Variants in MYO1B observed in about 807,000 individuals in gnomAD.
The protein encoded by MYO1B is myosin IB, also known as unconventional myosin-Ib.
MYO1B carries 72 observed loss-of-function variants against 159.7 expected under a neutral mutation model. That is an observed-to-expected ratio of 0.45 (90% CI 0.37 to 0.55). The LOEUF (loss-of-function observed/expected upper bound fraction) is 0.55. Among genes scored for constraint, MYO1B ranks in the 20% least tolerant of loss-of-function variants. The pLI, the probability that MYO1B is intolerant of heterozygous loss-of-function variation, is 0.00. For missense variants in MYO1B, 1,062 were observed against 1,364.8 expected (o/e 0.78, Z 3.50); for synonymous variants, 468 against 473.8 (o/e 0.99, Z 0.16).
Position 191,267,611 on chromosome 2 carries a change from T to C in MYO1B, c.-9-9276T>C, listed in dbSNP as rs142591071. 3.5e-4 allele frequency among the ~76,000 whole-genome samples: 54 copies of C among 152,314 alleles called. No homozygotes were observed. The East Asian group carries it at 0.01, about 29-fold the overall frequency. ...GAATGAAAATCAGCCATCACCTAAG[T>C]CTTTCCACAAATGCATGTCGGGGCA... On this transcript the variant is annotated intron_variant, in intron 1 of 30. Transcript: ENST00000392318.
At chr2:191,320,904 A>G (rs1204524321) in intron 3 of MYO1B, among the ~76,000 whole-genome samples, 5 of 151,912 alleles carry the variant, frequency 3.3e-5, no homozygotes, top group South Asian at 4.2e-4. Context: ...ATCTCTGCCT[A>G]TTGCCTTCTG....
chr2:191,343,025 G>A (rs1692322665), intron 5 of MYO1B, among the ~76,000 whole-genome samples: 1 of 152,200 alleles, frequency 6.6e-6, no homozygotes, highest in African/African-American at 2.4e-5. Context: ...TGCTGTGGAA[G>A]GGTGTCCTGT....
chr2:191,390,101 G>A (rs1470796474), intron 17 of MYO1B, among the ~76,000 whole-genome samples, 191 bp from the exon 18 acceptor site: 1 of 151,770 alleles, frequency 6.6e-6, no homozygotes, highest in African/African-American at 2.4e-5. Flanking sequence ...AAATTACTGT[G>A]CCTGCAGTAT....
chr2:191,363,502 C>T (rs939499350), intron 9 of MYO1B, among the ~76,000 whole-genome samples: 2 of 152,096 alleles, frequency 1.3e-5, no homozygotes, highest in Non-Finnish European at 2.9e-5. Flanking sequence ...GCTCTGCTCC[C>T]AGCCTCCTGT....
intron 2 of MYO1B, among the ~76,000 whole-genome samples, chr2:191,295,622 A>C (rs916948561): frequency 6.6e-6 from 1 of 152,182 alleles, no homozygotes; most frequent in South Asian, 2.1e-4. Flanking sequence ...GGAAAGATTG[A>C]CAGACTTGCA....
At chr2:191,402,445 T>C in intron 23 of MYO1B, 187 bp from the exon 24 acceptor site, 2 of 592,564 alleles carry the variant, frequency 3.4e-6, no homozygotes, top group Non-Finnish European at 6.0e-6. Flanking sequence ...CTCAGTGCAC[T>C]GAAAATATAA....
Position 191,329,897 on chromosome 2 carries a change from C to G in MYO1B, c.252-38C>G, listed in dbSNP as rs183917742. ...CATCTGATAAACACATAATAATGATCTGAAGTCTAAGGAATTTTTTTCCAT... is the reference window on the plus strand; with the variant it reads ...CATCTGATAAACACATAATAATGATGTGAAGTCTAAGGAATTTTTTTCCAT... On this transcript the variant is annotated intron_variant, in intron 3 of 30. Coordinates refer to ENST00000392318, the MANE Select transcript of MYO1B (RefSeq NM_001130158.3). 1.9e-6 allele frequency: 3 copies of G among 1,567,096 alleles called. 1 individual carries two copies. The highest frequency in any genetic ancestry group is 2.3e-5 in the South Asian group (2 of 87,584).
intron 7 of MYO1B, among the ~76,000 whole-genome samples, chr2:191,355,732 C>T (rs1693233305): frequency 2.0e-5 from 3 of 152,212 alleles, no homozygotes; most frequent in Admixed American, 2.0e-4. Context: ...AATCTCACTG[C>T]TCAGCAAAGT....
intron 2 of MYO1B, among the ~76,000 whole-genome samples, chr2:191,279,305 A>T (rs1217213700): frequency 6.6e-6 from 1 of 152,162 alleles, no homozygotes; most frequent in Non-Finnish European, 1.5e-5. Context: ...GAGATTGTAA[A>T]GTAATGCGTA....
chr2:191,281,204 T>G (rs758292620), intron 2 of MYO1B, among the ~76,000 whole-genome samples: 27 of 152,222 alleles, frequency 1.8e-4, no homozygotes, highest in Non-Finnish European at 3.5e-4. Flanking sequence ...ACTGGATTGG[T>G]TCATAGCCAT....
intron 1 of MYO1B, among the ~76,000 whole-genome samples, chr2:191,262,113 T>C (rs986811603): frequency 1.3e-5 from 2 of 152,166 alleles, no homozygotes; most frequent in African/African-American, 4.8e-5. Context: ...ACATCTCCTT[T>C]TCATTTCCAT....
chr2:191,419,409 G>A (rs1401831964), intron 30 of MYO1B, among the ~76,000 whole-genome samples: 1 of 152,030 alleles, frequency 6.6e-6, no homozygotes, highest in Non-Finnish European at 1.5e-5. Flanking sequence ...TAGTAGAGGT[G>A]GGGTTTCATC....
At chr2:191,344,446 A>G (rs1159719751) in intron 5 of MYO1B, among the ~76,000 whole-genome samples, 1 of 152,186 alleles carries the variant, frequency 6.6e-6, no homozygotes, top group African/African-American at 2.4e-5. Flanking sequence ...AACCATACTC[A>G]GCCCAAGCAG....
At chr2:191,395,317 T>G (rs1196307137) in intron 20 of MYO1B, among the ~76,000 whole-genome samples, 3 of 152,174 alleles carry the variant, frequency 2.0e-5, no homozygotes, top group African/African-American at 7.2e-5. Context: ...GAGTGGCTTG[T>G]CTGAGGTCCC....
intron 1 of MYO1B, among the ~76,000 whole-genome samples, chr2:191,269,930 G>A (rs935292685): frequency 6.6e-6 from 1 of 152,140 alleles, no homozygotes; most frequent in Non-Finnish European, 1.5e-5. Flanking sequence ...TTATATTTTG[G>A]TGTGGGATGA....
chr2:191,326,770 A>ATGTGTGTGTG (rs35184577), intron 3 of MYO1B, among the ~76,000 whole-genome samples: 55 of 137,146 alleles, frequency 4.0e-4, no homozygotes, highest in Admixed American at 1.2e-3. Context: ...GTTTGTATAT[A>ATGTGTGTGTG]TGTGTGTGTG....
chr2:191,384,321 G>A (rs1695274657), intron 15 of MYO1B, among the ~76,000 whole-genome samples: 1 of 152,208 alleles, frequency 6.6e-6, no homozygotes. Flanking sequence ...CCAGTTTAGT[G>A]AGATGAGTGC....
intron 21 of MYO1B, among the ~76,000 whole-genome samples, chr2:191,397,543 A>G (rs1371799758): frequency 9.9e-5 from 15 of 151,888 alleles, no homozygotes; most frequent in Admixed American, 4.6e-4. Context: ...CCAAGGCAGA[A>G]GAATTTTTCT....
intron 2 of MYO1B, among the ~76,000 whole-genome samples, chr2:191,280,329 A>C (rs73058664): frequency 0.014 from 2,194 of 152,316 alleles, 52 homozygotes; most frequent in African/African-American, 0.05. Context: ...TATTCACCTG[A>C]AAATCCAGAA....
Sources: gnomAD v4.1 joint callset for allele counts (sites outside exome capture counted in the v4.1 genomes callset) on GRCh38, gnomAD v4.1.1 for gene constraint, MANE v1.5 for transcripts, NCBI Gene and HGNC (gene_info 2026-07-23, HGNC 2026-07-21) for gene names.